The following NPAS3 variants were observed in gnomAD, a reference collection of about 807,000 sequenced individuals.
The protein encoded by NPAS3 is neuronal PAS domain protein 3, also known as neuronal PAS domain-containing protein 3.
NPAS3 carries 14 observed loss-of-function variants against 73.1 expected under a neutral mutation model. The ratio of observed to expected loss-of-function variants is 0.19; its 90% CI spans 0.13 to 0.30. The LOEUF is 0.30. Among genes scored for constraint, NPAS3 ranks in the 10% least tolerant of loss-of-function variants. The probability of loss-of-function intolerance (pLI) is 1.00; values close to 1 mark genes in which losing one functional copy is unlikely to be tolerated. For missense variants in NPAS3, 1,096 were observed against 1,250.0 expected, an observed-to-expected ratio of 0.88 and a Z score of 1.86; for synonymous variants, 620 against 541.5, an observed-to-expected ratio of 1.14 and a Z score of -2.01.
At chr14:33,098,022 A>G (rs921210726) in intron 2 of NPAS3, among the ~76,000 whole-genome samples, 1 of 152,170 alleles carries the variant, frequency 6.6e-6, no homozygotes, top group Non-Finnish European at 1.5e-5. Context: ...TGCAATTTAT[A>G]TATATTTTCC....
At position 32,945,662 on chromosome 14, in the gene NPAS3, A is replaced by G. The variant is rs1300415669; in HGVS notation, c.50+6296A>G. ...ACTCAGAGATTTCCGAGCCAATATC[A>G]GAGAGTTCCAATGGCAGAAAGACCA... On this transcript the variant is annotated intron_variant, in intron 1 of 11. Transcript: ENST00000356141. Among the ~76,000 whole-genome samples the G allele has an allele frequency of 2.0e-5, 3 of 152,232 alleles. No individual in the cohort carries two copies. The East Asian group carries it at 5.8e-4, about 29-fold the overall frequency.
intron 3 of NPAS3, among the ~76,000 whole-genome samples, chr14:33,281,289 A>G (rs1018053795): frequency 3.3e-5 from 5 of 152,202 alleles, no homozygotes; most frequent in African/African-American, 4.8e-5. Flanking sequence ...ATTGACTATC[A>G]TCTTTAGAAT....
chr14:33,369,404 C>CAAAAAAAAAAAAAAAA lies in NPAS3; in HGVS notation c.468+2144_468+2159dup, dbSNP rs3058296. On this transcript the variant is annotated intron_variant, in intron 4 of 11. Coordinates refer to ENST00000356141, the Ensembl canonical transcript of NPAS3. ...TCTATTTATTTGAAGGCCTCATTTC[C>CAAAAAAAAAAAAAAAA]AAAAAAAAAAAAAAAAAAAAAAAGG... Among the ~76,000 whole-genome samples the CAAAAAAAAAAAAAAAA allele has an allele frequency of 5.2e-4, 47 of 90,940 alleles. 1 individual carries two copies. Among genetic ancestry groups the CAAAAAAAAAAAAAAAA allele is most frequent in the African/African-American group, 1.1e-3 (26 of 22,932 alleles). 59.7% of individuals were successfully genotyped at this position (90,940 alleles called of 152,430 possible). A position where few individuals can be genotyped will look rare whatever the true frequency, so the allele number is the denominator to read the frequency against.
At position 33,115,196 on chromosome 14, in the gene NPAS3, T is replaced by C. The variant is rs1029370367; in HGVS notation, c.140+59202T>C. On this transcript the variant is annotated intron_variant, in intron 2 of 11. Coordinates refer to ENST00000356141, the Ensembl canonical transcript of NPAS3. Reference sequence around the variant, plus strand: ...GTGGAAGGTCCTGTAGACTGTGGACTGAAAGAAGGCTGTTCACTTTGATAG... The same window carrying C: ...GTGGAAGGTCCTGTAGACTGTGGACCGAAAGAAGGCTGTTCACTTTGATAG... 2.7e-4 allele frequency among the ~76,000 whole-genome samples: 41 copies of C among 152,178 alleles called. 1 individual carries two copies. Among genetic ancestry groups the C allele is most frequent in the African/African-American group, 9.4e-4 (39 of 41,458 alleles).
At chr14:33,231,715 A>T (rs1429909680) in intron 3 of NPAS3, among the ~76,000 whole-genome samples, 1 of 152,166 alleles carries the variant, frequency 6.6e-6, no homozygotes, top group African/African-American at 2.4e-5. Flanking sequence ...TCTTTCTCGT[A>T]TGTAGAACTC....
intron 4 of NPAS3, among the ~76,000 whole-genome samples, chr14:33,518,711 G>C (rs2053423261): frequency 6.8e-6 from 1 of 146,468 alleles, no homozygotes; most frequent in South Asian, 2.1e-4. Flanking sequence ...CTACATATTA[G>C]TCAGGGCTCA....
chr14:33,443,598 C>T (rs1477676368), intron 4 of NPAS3, among the ~76,000 whole-genome samples: 2 of 152,170 alleles, frequency 1.3e-5, no homozygotes, highest in African/African-American at 2.4e-5. Flanking sequence ...ACCAGTGGGC[C>T]AAAGGCTTTA....
At chr14:33,236,600 C>A (rs955512385) in intron 3 of NPAS3, among the ~76,000 whole-genome samples, 2 of 151,992 alleles carry the variant, frequency 1.3e-5, no homozygotes, top group Admixed American at 1.3e-4. Flanking sequence ...CAACCCTAGC[C>A]TGGAGGATGT....
At chr14:33,447,905 AC>A (rs1258980469) in intron 4 of NPAS3, among the ~76,000 whole-genome samples, 2 of 151,876 alleles carry the variant, frequency 1.3e-5, no homozygotes, top group Non-Finnish European at 2.9e-5. Context: ...AAAAAGTGAG[AC>A]CCTATCTCTT....
At chr14:33,772,144 G>A (rs1024114561) in intron 7 of NPAS3, among the ~76,000 whole-genome samples, 1 of 152,152 alleles carries the variant, frequency 6.6e-6, no homozygotes, top group Admixed American at 6.5e-5. Flanking sequence ...CTTACTGGTC[G>A]ATATTTTTAA....
At chr14:33,265,557 G>A (rs1238802959) in intron 3 of NPAS3, among the ~76,000 whole-genome samples, 1 of 151,902 alleles carries the variant, frequency 6.6e-6, no homozygotes, top group Non-Finnish European at 1.5e-5. Flanking sequence ...TGATAAATTA[G>A]GCTCTGTCTT....
intron 6 of NPAS3, among the ~76,000 whole-genome samples, chr14:33,685,088 G>GTAGAT (rs1227225896): frequency 2.6e-5 from 4 of 152,174 alleles, no homozygotes; most frequent in African/African-American, 9.6e-5. Flanking sequence ...CGGGGATTGT[G>GTAGAT]TAGATTATTC....
rs111867248 is a variant in NPAS3, at chr14:33,183,154, G to C, written c.141-32028G>C. On this transcript the variant is annotated intron_variant, in intron 2 of 11. Coordinates refer to ENST00000356141, the Ensembl canonical transcript of NPAS3. Reference sequence around the variant, plus strand: ...AGAAATCCATTCTTGGGCTGGGTGCGGTGGCTCATGCCTGTAATCCCAGCA... The same window carrying C: ...AGAAATCCATTCTTGGGCTGGGTGCCGTGGCTCATGCCTGTAATCCCAGCA... Among the ~76,000 whole-genome samples the C allele has an allele frequency of 1.4e-3, 214 of 152,164 alleles. 1 individual carries two copies. The highest frequency in any genetic ancestry group is 4.8e-3 in the African/African-American group (198 of 41,520).
At position 33,544,788 on chromosome 14, in the gene NPAS3, TTATA is replaced by T. The variant is rs71406561; in HGVS notation, c.469-15313_469-15310del. 4.1e-4 allele frequency among the ~76,000 whole-genome samples: 26 copies of T among 63,254 alleles called. 2 individuals carry two copies. The highest frequency in any genetic ancestry group is 1.7e-3 in the Admixed American group (10 of 6,014). The allele number at this position is 63,254 out of a possible 152,430, so 41.5% of individuals were successfully genotyped here. A position where few individuals can be genotyped will look rare whatever the true frequency, so the allele number is the denominator to read the frequency against. On this transcript the variant is annotated intron_variant, in intron 4 of 11. Coordinates refer to ENST00000356141, the Ensembl canonical transcript of NPAS3. ...GCATGTATGTGTTTATGTGTGTGTA[TTATA>T]TATATATATATATATATATGTATAT...
At chr14:33,572,826 C>G (rs918028114) in intron 5 of NPAS3, among the ~76,000 whole-genome samples, 5 of 151,948 alleles carry the variant, frequency 3.3e-5, no homozygotes, top group African/African-American at 1.2e-4. Context: ...AGATCGAGAC[C>G]AGCCTGGCCA....
At chr14:33,159,832 C>T (rs1020740480) in intron 2 of NPAS3, among the ~76,000 whole-genome samples, 2 of 152,130 alleles carry the variant, frequency 1.3e-5, no homozygotes, top group South Asian at 2.1e-4. Flanking sequence ...GGATTATAGG[C>T]GTGAGCCACT....
rs56204986 is a variant in NPAS3, at chr14:33,301,324, T to TATATATATATATATATATATATATATATA, written c.386-65862_386-65861insATATATATATATATATATATATATATATA. 6.1e-3 allele frequency among the ~76,000 whole-genome samples: 459 copies of TATATATATATATATATATATATATATATA among 75,032 alleles called. 29 individuals are homozygous for TATATATATATATATATATATATATATATA. Among genetic ancestry groups the TATATATATATATATATATATATATATATA allele is most frequent in the Admixed American group, 9.2e-3 (71 of 7,690 alleles). The allele number at this position is 75,032 out of a possible 152,430, so 49.2% of individuals were successfully genotyped here. A position where few individuals can be genotyped will look rare whatever the true frequency, so the allele number is the denominator to read the frequency against. On this transcript the variant is annotated intron_variant, in intron 3 of 11. Transcript: ENST00000356141. ...TTTATCATTATATATATATATATAT[T>TATATATATATATATATATATATATATATA]TTTTTTTTTTAAATCTAGCTGTAAT...
At chr14:33,097,181 C>T (rs2042446658) in intron 2 of NPAS3, among the ~76,000 whole-genome samples, 1 of 151,926 alleles carries the variant, frequency 6.6e-6, no homozygotes, top group African/African-American at 2.4e-5. Flanking sequence ...AATTTGAGAC[C>T]AGCCTGTGCA....
intron 4 of NPAS3, among the ~76,000 whole-genome samples, chr14:33,395,101 C>T (rs1030370389): frequency 2.6e-5 from 4 of 152,036 alleles, no homozygotes; most frequent in African/African-American, 4.8e-5. Context: ...TTGCAAATAG[C>T]GAGGATCTCT....
Sources: allele counts gnomAD v4.1 joint callset (sites outside exome capture counted in the v4.1 genomes callset), GRCh38; gene constraint gnomAD v4.1.1; transcripts MANE v1.5; gene names NCBI Gene and HGNC (gene_info 2026-07-23, HGNC 2026-07-21).